The following ZMAT4 variants were observed in gnomAD, a reference collection of about 807,000 sequenced individuals.
ZMAT4 encodes the protein zinc finger matrin-type protein 4.
A neutral mutation model predicts 28.7 loss-of-function variants in ZMAT4; 17 were observed. That is an observed-to-expected ratio of 0.59 (90% CI 0.41 to 0.89). The LOEUF (loss-of-function observed/expected upper bound fraction) is 0.89, where lower values mean the gene tolerates loss of function less well. Ranked by LOEUF, ZMAT4 falls within the 40% of genes least tolerant of loss-of-function variation. The pLI is 0.00. For synonymous variants in ZMAT4, 117 were observed against 109.2 expected, an observed-to-expected ratio of 1.07 and a Z score of -0.44; for missense variants, 240 against 283.8, an observed-to-expected ratio of 0.85 and a Z score of 1.11.
intron 1 of ZMAT4, among the ~76,000 whole-genome samples, chr8:40,872,203 A>T (rs1817882055): frequency 6.6e-6 from 1 of 152,198 alleles, no homozygotes; most frequent in African/African-American, 2.4e-5. Context: ...AGTCACACAC[A>T]TGTGCATGCA....
chr8:40,724,448 A>G (rs1165371368), intron 3 of ZMAT4, among the ~76,000 whole-genome samples: 3 of 152,236 alleles, frequency 2.0e-5, no homozygotes, highest in East Asian at 3.8e-4. Context: ...TGTTTTATAA[A>G]TAAGTACATC....
chr8:40,760,843 A>G (rs1042394812), intron 3 of ZMAT4, among the ~76,000 whole-genome samples: 6 of 152,046 alleles, frequency 3.9e-5, no homozygotes, highest in African/African-American at 9.6e-5. Context: ...AGCAGATTTT[A>G]TCACCAACCT....
intron 3 of ZMAT4, among the ~76,000 whole-genome samples, chr8:40,735,846 C>T (rs980412505): frequency 6.6e-6 from 1 of 152,120 alleles, no homozygotes; most frequent in East Asian, 1.9e-4. Context: ...GATGGGCGCT[C>T]GGGAAGCATC....
At chr8:40,596,253 A>G (rs1805099305) in intron 5 of ZMAT4, among the ~76,000 whole-genome samples, 2 of 152,216 alleles carry the variant, frequency 1.3e-5, no homozygotes, top group Non-Finnish European at 2.9e-5. Context: ...ACATAACTGT[A>G]CACTACTGCA....
intron 1 of ZMAT4, among the ~76,000 whole-genome samples, chr8:40,854,246 C>A (rs1054546353): frequency 6.6e-6 from 1 of 152,156 alleles, no homozygotes; most frequent in African/African-American, 2.4e-5. Context: ...GGTCTACGGA[C>A]CTTATGTTCT....
chr8:40,896,891 G>A (rs1299901999), intron 1 of ZMAT4, among the ~76,000 whole-genome samples: 1 of 151,906 alleles, frequency 6.6e-6, no homozygotes, highest in East Asian at 1.9e-4. Flanking sequence ...GGATGCTCCG[G>A]GCCAGGCACC....
At chr8:40,846,588 C>A (rs989090571) in intron 1 of ZMAT4, among the ~76,000 whole-genome samples, 1 of 152,220 alleles carries the variant, frequency 6.6e-6, no homozygotes, top group Non-Finnish European at 1.5e-5. Context: ...TAACGAGCCA[C>A]GGCAGCGTCG....
At chr8:40,892,197 A>G (rs1231443917) in intron 1 of ZMAT4, among the ~76,000 whole-genome samples, 1 of 152,136 alleles carries the variant, frequency 6.6e-6, no homozygotes, top group African/African-American at 2.4e-5. Context: ...ATCTTATTTC[A>G]TTTATCCAGG....
At chr8:40,772,906 T>C (rs761886236) in intron 2 of ZMAT4, among the ~76,000 whole-genome samples, 25 of 151,748 alleles carry the variant, frequency 1.6e-4, no homozygotes, top group Non-Finnish European at 3.2e-4. Flanking sequence ...AGAACACGGG[T>C]TCCTGCAAAA....
intron 1 of ZMAT4, among the ~76,000 whole-genome samples, chr8:40,895,835 T>G (rs1460858781): frequency 1.3e-5 from 2 of 152,160 alleles, no homozygotes; most frequent in Non-Finnish European, 2.9e-5. Flanking sequence ...TCATGCAAGA[T>G]CCCCCACGTG....
intron 2 of ZMAT4, among the ~76,000 whole-genome samples, chr8:40,812,112 C>T (rs1487655719): frequency 6.6e-6 from 1 of 152,178 alleles, no homozygotes; most frequent in Non-Finnish European, 1.5e-5. Flanking sequence ...GCCTGGGTGA[C>T]AGAGTGAGAC....
intron 3 of ZMAT4, among the ~76,000 whole-genome samples, chr8:40,698,824 G>C (rs1183401042): frequency 2.0e-5 from 3 of 152,122 alleles, no homozygotes; most frequent in Non-Finnish European, 4.4e-5. Context: ...AGTTCAGGGA[G>C]AGACTTCAAA....
intron 1 of ZMAT4, among the ~76,000 whole-genome samples, chr8:40,897,324 A>G (rs182885233): frequency 9.3e-4 from 142 of 152,248 alleles, no homozygotes; most frequent in Non-Finnish European, 1.1e-3. Flanking sequence ...TTCTCTCGGA[A>G]CCAGCCTATC....
intron 1 of ZMAT4, among the ~76,000 whole-genome samples, chr8:40,838,707 C>G (rs1296938476): frequency 6.6e-6 from 1 of 152,170 alleles, no homozygotes; most frequent in Non-Finnish European, 1.5e-5. Context: ...TCCTAACACC[C>G]TCTCACGCTT....
chr8:40,549,535 T>A (rs10098548), intron 6 of ZMAT4, among the ~76,000 whole-genome samples: 12,609 of 152,156 alleles, frequency 0.083, 1,721 homozygotes, highest in African/African-American at 0.29. Context: ...AGAGAATGGC[T>A]CCTATCTAGT....
At chr8:40,842,837 G>A (rs896507554) in intron 1 of ZMAT4, among the ~76,000 whole-genome samples, 27 of 152,144 alleles carry the variant, frequency 1.8e-4, no homozygotes, top group African/African-American at 4.3e-4. Context: ...GTGCAATGGC[G>A]CGATCTCTGC....
chr8:40,540,515 T>G (rs577051823), intron 6 of ZMAT4, among the ~76,000 whole-genome samples: 6 of 152,284 alleles, frequency 3.9e-5, no homozygotes, highest in African/African-American at 1.4e-4. Flanking sequence ...TATATACATC[T>G]TGTCATTTGG....
At chr8:40,617,307 C>T (rs1046395089) in intron 5 of ZMAT4, among the ~76,000 whole-genome samples, 2 of 152,312 alleles carry the variant, frequency 1.3e-5, no homozygotes, top group African/African-American at 4.8e-5. Flanking sequence ...CTTAAAAATA[C>T]ACATTTCGGG....
intron 2 of ZMAT4, among the ~76,000 whole-genome samples, chr8:40,797,725 G>A (rs1271862297): frequency 6.6e-6 from 1 of 152,140 alleles, no homozygotes; most frequent in East Asian, 1.9e-4. Flanking sequence ...TACAGCACTC[G>A]GTCCTCAGTA....
Sources: gnomAD v4.1 joint callset for allele counts (sites outside exome capture counted in the v4.1 genomes callset) on GRCh38, gnomAD v4.1.1 for gene constraint, MANE v1.5 for transcripts, NCBI Gene and HGNC (gene_info 2026-07-23, HGNC 2026-07-21) for gene names.